OLFML2B: variants seen among roughly 807,000 people sequenced by gnomAD.
The protein encoded by OLFML2B is olfactomedin like 2B, also known as olfactomedin-like protein 2B.
A neutral mutation model predicts 74.9 loss-of-function variants in OLFML2B; 57 were observed. The ratio of observed to expected loss-of-function variants is 0.76; its 90% confidence interval spans 0.61 to 0.95. OLFML2B has a LOEUF of 0.95. OLFML2B is among the 40% of genes least tolerant of loss of function. OLFML2B has a pLI of 0.00. For synonymous variants in OLFML2B, 388 were observed against 405.8 expected (o/e 0.96, Z 0.53); for missense variants, 986 against 970.6 (o/e 1.02, Z -0.21).
intron 4 of OLFML2B, among the ~76,000 whole-genome samples, chr1:162,001,772 G>T (rs1690087462): frequency 6.6e-6 from 1 of 152,124 alleles, no homozygotes; most frequent in Non-Finnish European, 1.5e-5. Flanking sequence ...ACCATTTCTT[G>T]TTCATCTTTG....
chr1:161,985,037 TAAACC>T, intron 6 of OLFML2B, 57 bp from the exon 7 acceptor site: 1 of 1,524,262 alleles, frequency 6.6e-7, no homozygotes, highest in Non-Finnish European at 8.9e-7. Context: ...CCTCACCCCT[TAAACC>T]TTTGCTGTTC....
chr1:162,017,538 G>C (rs1450790372), intron 2 of OLFML2B, 31 bp from the exon 3 acceptor site: 1 of 1,528,244 alleles, frequency 6.5e-7, no homozygotes, highest in East Asian at 2.3e-5. Context: ...TTAGTCCAGG[G>C]CTGGGGCACA....
chr1:162,015,205 T>A (rs1051595338), intron 3 of OLFML2B, among the ~76,000 whole-genome samples: 1 of 152,214 alleles, frequency 6.6e-6, no homozygotes, highest in Non-Finnish European at 1.5e-5. Flanking sequence ...CTCATTGATG[T>A]AACTAAAACT....
At chr1:161,986,818 G>T (rs905096826) in intron 6 of OLFML2B, among the ~76,000 whole-genome samples, 1 of 152,232 alleles carries the variant, frequency 6.6e-6, no homozygotes, top group African/African-American at 2.4e-5. Flanking sequence ...CTCAGAAAGG[G>T]CACCAATTCC....
At chr1:161,993,467 T>C (rs987189654) in intron 6 of OLFML2B, among the ~76,000 whole-genome samples, 9 of 152,220 alleles carry the variant, frequency 5.9e-5, no homozygotes, top group African/African-American at 2.2e-4. Context: ...CGTATCTGTC[T>C]TTGCATCCCT....
intron 2 of OLFML2B, among the ~76,000 whole-genome samples, chr1:162,018,751 C>T (rs1243083517): frequency 6.6e-6 from 1 of 152,242 alleles, no homozygotes; most frequent in Non-Finnish European, 1.5e-5. Flanking sequence ...GCAATCTACA[C>T]TCCCCATTTA....
chr1:162,017,373 A>C, intron 3 of OLFML2B, 27 bp downstream of exon 3: 1 of 1,560,676 alleles, frequency 6.4e-7, no homozygotes, highest in Non-Finnish European at 8.8e-7. Context: ...ATCAAGAAAA[A>C]GATATAGAAA....
intron 3 of OLFML2B, among the ~76,000 whole-genome samples, chr1:162,008,491 CACAG>C (rs1294102204): frequency 2.6e-5 from 4 of 152,166 alleles, no homozygotes; most frequent in African/African-American, 9.7e-5. Context: ...GATCCCGGCA[CACAG>C]ACAGCTCTCA....
chr1:161,989,118 C>A (rs1367738338), intron 6 of OLFML2B, among the ~76,000 whole-genome samples: 2 of 152,240 alleles, frequency 1.3e-5, no homozygotes, highest in Non-Finnish European at 2.9e-5. Flanking sequence ...GTCTCTCTGG[C>A]TCATCTCTGC....
chr1:162,001,872 C>A (rs1192831375), intron 4 of OLFML2B, among the ~76,000 whole-genome samples: 1 of 152,222 alleles, frequency 6.6e-6, no homozygotes, highest in Admixed American at 6.5e-5. Flanking sequence ...TGGTAACTAA[C>A]CAGCATTTAA....
At position 161,983,947 on chromosome 1, in the gene OLFML2B, CCTT is replaced by C. The variant is rs1423562527; in HGVS notation, c.1978_1980del (p.Lys660del). ...CGGAGCCCCGTGCGCCATGTGGTCT[CCTT>C]CTGTGTGCTCAGGTCCGCGGCATTG... On this transcript the variant is annotated inframe_deletion, in exon 8 of 8. Transcript: ENST00000294794. 50 of 1,614,106 alleles carry C rather than the reference CCTT, an allele frequency of 3.1e-5. No homozygotes were observed. The highest frequency in any genetic ancestry group is 3.8e-5 in the Non-Finnish European group (45 of 1,180,044).
In OLFML2B at chr1:162,023,504, C is replaced by T. The variant is rs1690793996; in HGVS notation, c.-74G>A. 33 of 1,371,784 alleles carry T rather than the reference C, an allele frequency of 2.4e-5. No homozygotes were observed. Among genetic ancestry groups the T allele is most frequent in the Non-Finnish European group, 1.1e-5 (11 of 1,044,112 alleles). The allele number at this position is 1,371,784 out of a possible 1,614,324, so 85.0% of individuals were successfully genotyped here. A position where few individuals can be genotyped will look rare whatever the true frequency, so the allele number is the denominator to read the frequency against. On this transcript the variant is annotated 5_prime_UTR_variant, in exon 1 of 8. Transcript: ENST00000294794. ...CGGGGGGTCTCGGCAAGGACTTCTG[C>T]GAGAGGGTGTCCTCGCTAGAGCCCG...
In OLFML2B at chr1:162,017,265, T is replaced by C. The variant is rs139771848; in HGVS notation, c.546+135A>G. ...CATAATTTTGAATGAATCTTTTATGTATATTTTCCCTTTCATAGAATAGGA... is the reference window on the plus strand; with the variant it reads ...CATAATTTTGAATGAATCTTTTATGCATATTTTCCCTTTCATAGAATAGGA... On this transcript the variant is annotated intron_variant, in intron 3 of 7. Coordinates refer to ENST00000294794, the MANE Select transcript of OLFML2B (RefSeq NM_015441.3). The C allele has an allele frequency of 3.6e-4, 228 of 625,494 alleles. 5 individuals are homozygous for C. In the Admixed American group the frequency reaches 7.6e-3, roughly 21 times the overall value. The allele number at this position is 625,494 out of a possible 1,614,324, so 38.7% of individuals were successfully genotyped here. A position where few individuals can be genotyped will look rare whatever the true frequency, so the allele number is the denominator to read the frequency against.
At chr1:162,007,990 G>A (rs1215332266) in intron 3 of OLFML2B, among the ~76,000 whole-genome samples, 1 of 152,172 alleles carries the variant, frequency 6.6e-6, no homozygotes, top group African/African-American at 2.4e-5. Context: ...CTTGTTTTAA[G>A]AATGCTCAGA....
intron 4 of OLFML2B, among the ~76,000 whole-genome samples, chr1:162,001,029 C>T (rs1690068279): frequency 1.3e-5 from 2 of 152,208 alleles, no homozygotes; most frequent in Non-Finnish European, 2.9e-5. Context: ...ACTACTGAAA[C>T]TCTTGGCTCT....
chr1:161,998,312 C>T lies in OLFML2B; in HGVS notation c.987G>A (p.Leu329=). 6.3e-7 allele frequency: 1 copy of T among 1,579,754 alleles called. No individual in the cohort carries two copies. Among genetic ancestry groups the T allele is most frequent in the Non-Finnish European group, 8.6e-7 (1 of 1,156,944 alleles). ...GTCTCAGGAGCTGATCTTCAATCAG[C>T]AAATCCACTCCATTGTCACCGCTGA... The part of the protein sequence containing the change: ...EFFSGDNGVD[L]LIEDQLLRHN... The change falls in exon 6 of 8, where the codon TTG becomes TTA. Residue 329 remains leucine (L), a synonymous_variant. Coordinates refer to ENST00000294794, the MANE Select transcript of OLFML2B (RefSeq NM_015441.3).
In OLFML2B at chr1:161,984,734, C is replaced by T. The variant is rs1355814876; in HGVS notation, c.1651+70G>A. ...TATCCGTCATTACCACCCAAAGAGGCCTGGCTGTGATAAAAACAGAGGACG... is the reference window on the plus strand; with the variant it reads ...TATCCGTCATTACCACCCAAAGAGGTCTGGCTGTGATAAAAACAGAGGACG... On this transcript the variant is annotated intron_variant, in intron 7 of 7. Coordinates refer to ENST00000294794, the MANE Select transcript of OLFML2B (RefSeq NM_015441.3). The T allele has an allele frequency of 8.7e-6, 13 of 1,496,698 alleles. No homozygotes were observed. In the East Asian group the frequency reaches 2.5e-4, roughly 29 times the overall value. The allele number at this position is 1,496,698 out of a possible 1,614,324, so 92.7% of individuals were successfully genotyped here. A position where few individuals can be genotyped will look rare whatever the true frequency, so the allele number is the denominator to read the frequency against.
At position 161,983,795 on chromosome 1, in the gene OLFML2B, C is replaced by T. The variant is rs1173308697; in HGVS notation, c.2133G>A (p.Arg711=). ...DTHTNTQIVP[R]LLFENEYSYT... ...AGGAATACTCATTCTCGAACAGCAG[C>T]CTGGGGACGATCTGTGTGTTGGTGT... Residue 711 remains arginine (R), a synonymous_variant, in exon 8 of 8, where the codon AGG becomes AGA. Transcript: ENST00000294794. The T allele has an allele frequency of 9.9e-6, 16 of 1,613,970 alleles. No individual in the cohort carries two copies. Among genetic ancestry groups the T allele is most frequent in the Non-Finnish European group, 1.2e-5 (14 of 1,180,036 alleles).
rs1394137468 is a variant in OLFML2B, at chr1:161,998,320, C to T, written c.979G>A (p.Val327Met). 1 of 1,571,554 alleles carries T rather than the reference C, an allele frequency of 6.4e-7. No individual in the cohort carries two copies. Among genetic ancestry groups the T allele is most frequent in the Non-Finnish European group, 8.7e-7 (1 of 1,153,228 alleles). ...AGCTGATCTTCAATCAGCAAATCCA[C>T]TCCATTGTCACCGCTGAAAAACTCA... ...QDEFFSGDNG[V>M]DLLIEDQLLR... Residue 327 changes from valine (V) to methionine (M), a missense_variant, in exon 6 of 8, where the codon GTG becomes ATG. Coordinates refer to ENST00000294794, the MANE Select transcript of OLFML2B (RefSeq NM_015441.3).
Sources: allele counts gnomAD v4.1 joint callset (sites outside exome capture counted in the v4.1 genomes callset), GRCh38; gene constraint gnomAD v4.1.1; transcripts MANE v1.5; gene names NCBI Gene and HGNC (gene_info 2026-07-23, HGNC 2026-07-21).